Variants in CHRM3 observed in about 807,000 individuals in gnomAD.
CHRM3 encodes the protein muscarinic acetylcholine receptor M3.
Under a neutral mutation model 41.8 loss-of-function variants are expected in CHRM3, and 11 were observed. The observed-to-expected ratio is 0.26, with a 90% CI of 0.17 to 0.44. The LOEUF is 0.44. CHRM3 is among the 20% of genes least tolerant of loss of function. CHRM3 has a pLI of 1.00. For synonymous variants in CHRM3, 297 were observed against 301.4 expected (o/e 0.99, Z 0.15); for missense variants, 571 against 745.4 (o/e 0.77, Z 2.72).
chr1:239,613,237 G>T (rs1036060887), intron 3 of CHRM3, among the ~76,000 whole-genome samples: 8 of 152,286 alleles, frequency 5.3e-5, no homozygotes, highest in African/African-American at 1.9e-4. Context: ...ATTGCATGTA[G>T]GGTGTGCACA....
chr1:239,487,882 A>C (rs937033847), intron 1 of CHRM3, among the ~76,000 whole-genome samples: 1 of 151,484 alleles, frequency 6.6e-6, no homozygotes, highest in South Asian at 2.1e-4. Context: ...AAACACAAAG[A>C]CAAAAAAAAG....
At chr1:239,456,537 G>A (rs571145692) in intron 1 of CHRM3, among the ~76,000 whole-genome samples, 35 of 152,254 alleles carry the variant, frequency 2.3e-4, no homozygotes, top group Admixed American at 4.6e-4. Context: ...CGATGTCGGC[G>A]TAATGACAGA....
chr1:239,691,311 G>T (rs2147988206), intron 5 of CHRM3, among the ~76,000 whole-genome samples: 1 of 152,152 alleles, frequency 6.6e-6, no homozygotes, highest in Non-Finnish European at 1.5e-5. Flanking sequence ...CAATGGTTGG[G>T]TTGTGAGAGT....
At chr1:239,445,303 A>G (rs1445125381) in intron 1 of CHRM3, among the ~76,000 whole-genome samples, 1 of 152,202 alleles carries the variant, frequency 6.6e-6, no homozygotes, top group Non-Finnish European at 1.5e-5. Flanking sequence ...TTACCTTCTT[A>G]GCACCCTCAT....
intron 3 of CHRM3, among the ~76,000 whole-genome samples, chr1:239,614,791 A>G (rs973421573): frequency 5.9e-5 from 9 of 152,218 alleles, no homozygotes; most frequent in Non-Finnish European, 1.2e-4. Context: ...GATATTATAT[A>G]TGGTTTAAGG....
intron 5 of CHRM3, chr1:239,707,368 G>A (rs1163139180): frequency 6.6e-6 from 1 of 152,124 alleles, no homozygotes; most frequent in Non-Finnish European, 1.5e-5. Flanking sequence ...TAGAATATCT[G>A]TATGGAAAAA....
At chr1:239,507,888 T>G (rs1350885823) in intron 2 of CHRM3, among the ~76,000 whole-genome samples, 1 of 152,198 alleles carries the variant, frequency 6.6e-6, no homozygotes, top group Non-Finnish European at 1.5e-5. Flanking sequence ...TTTGTGCTTA[T>G]GAGAAAATCA....
In CHRM3 at chr1:239,846,482, A is replaced by G. The variant is rs573411726; in HGVS notation, c.-20+19104A>G. On this transcript the variant is annotated intron_variant, in intron 6 of 6. Transcript: ENST00000676153. ...GTCTAATGCACCAATGGATAAGCCAATAAAAAATACAGTAGTACTTCCACC... is the reference window on the plus strand; with the variant it reads ...GTCTAATGCACCAATGGATAAGCCAGTAAAAAATACAGTAGTACTTCCACC... 3.3e-5 allele frequency among the ~76,000 whole-genome samples: 5 copies of G among 152,336 alleles called. No individual in the cohort carries two copies. The East Asian group carries it at 9.6e-4, about 29-fold the overall frequency.
At position 239,836,918 on chromosome 1, in the gene CHRM3, C is replaced by T. The variant is rs139636892; in HGVS notation, c.-20+9540C>T. 2.1e-3 allele frequency among the ~76,000 whole-genome samples: 322 copies of T among 149,852 alleles called. 2 individuals are homozygous for T. Among genetic ancestry groups the T allele is most frequent in the African/African-American group, 7.6e-3 (309 of 40,580 alleles). ...TGAACCCAGGAGGTGGAAGTTGCAG[C>T]GAGCCGAGATAGCACCACTGCACTC... On this transcript the variant is annotated intron_variant, in intron 6 of 6. Transcript: ENST00000676153.
chr1:239,483,591 C>A (rs909953787), intron 1 of CHRM3, among the ~76,000 whole-genome samples: 1 of 152,090 alleles, frequency 6.6e-6, no homozygotes, highest in Non-Finnish European at 1.5e-5. Context: ...TGCTTGACAT[C>A]TTTTTTTCTT....
At chr1:239,614,787 A>G (rs898678190) in intron 3 of CHRM3, among the ~76,000 whole-genome samples, 1 of 152,214 alleles carries the variant, frequency 6.6e-6, no homozygotes, top group African/African-American at 2.4e-5. Flanking sequence ...AGCTGATATT[A>G]TATATGGTTT....
At chr1:239,822,410 T>A (rs1218416737) in intron 5 of CHRM3, among the ~76,000 whole-genome samples, 2 of 152,222 alleles carry the variant, frequency 1.3e-5, no homozygotes, top group African/African-American at 4.8e-5. Flanking sequence ...TTCTACTTTC[T>A]AGGGATGGTG....
chr1:239,555,489 T>G (rs1369559211), intron 3 of CHRM3, among the ~76,000 whole-genome samples: 1 of 152,256 alleles, frequency 6.6e-6, no homozygotes, highest in East Asian at 1.9e-4. Context: ...CAATGAGGAC[T>G]TGCTAAAACA....
intron 4 of CHRM3, among the ~76,000 whole-genome samples, chr1:239,650,930 TA>T (rs539715603): frequency 8.7e-4 from 132 of 152,334 alleles, no homozygotes; most frequent in Middle Eastern, 6.8e-3. Flanking sequence ...AATTTATGCA[TA>T]AAATATGTGC....
At chr1:239,502,033 C>T (rs1668275120) in intron 2 of CHRM3, among the ~76,000 whole-genome samples, 2 of 151,960 alleles carry the variant, frequency 1.3e-5, no homozygotes, top group Admixed American at 1.3e-4. Context: ...GAAACAAGAA[C>T]AAACCAAACC....
At chr1:239,648,162 G>A (rs569187365) in intron 4 of CHRM3, among the ~76,000 whole-genome samples, 26 of 152,190 alleles carry the variant, frequency 1.7e-4, no homozygotes, top group East Asian at 9.7e-4. Flanking sequence ...CTAGGGGGCC[G>A]CTCTGCCCTA....
At chr1:239,509,520 C>A (rs1043586093) in intron 2 of CHRM3, among the ~76,000 whole-genome samples, 1 of 152,012 alleles carries the variant, frequency 6.6e-6, no homozygotes, top group African/African-American at 2.4e-5. Flanking sequence ...TGTGATAACC[C>A]CAGCCAAGAA....
chr1:239,783,588 A>C (rs1572278252), intron 5 of CHRM3, among the ~76,000 whole-genome samples: 1 of 152,206 alleles, frequency 6.6e-6, no homozygotes, highest in African/African-American at 2.4e-5. Flanking sequence ...AATCAAATGC[A>C]TGAGTCTAAA....
chr1:239,800,713 G>A (rs548363019), intron 5 of CHRM3, among the ~76,000 whole-genome samples: 5 of 152,286 alleles, frequency 3.3e-5, no homozygotes, highest in Non-Finnish European at 7.3e-5. Context: ...ATCACTGTGG[G>A]TGGGCTGGGG....
Sources: gnomAD v4.1 joint callset for allele counts (sites outside exome capture counted in the v4.1 genomes callset) on GRCh38, gnomAD v4.1.1 for gene constraint, MANE v1.5 for transcripts, NCBI Gene and HGNC (gene_info 2026-07-23, HGNC 2026-07-21) for gene names.